The following TP63 variants were observed in gnomAD, a reference collection of about 807,000 sequenced individuals.
TP63 encodes the protein tumor protein 63.
Under a neutral mutation model 82.8 loss-of-function variants are expected in TP63, and 17 were observed. The ratio of observed to expected loss-of-function variants is 0.21; its 90% CI spans 0.14 to 0.31. The LOEUF (loss-of-function observed/expected upper bound fraction) is 0.31, where lower values mean the gene tolerates loss of function less well. Ranked by LOEUF, TP63 falls within the 10% of genes least tolerant of loss-of-function variation. The probability of loss-of-function intolerance (pLI) is 1.00; values close to 1 mark genes in which losing one functional copy is unlikely to be tolerated. For missense variants in TP63, 648 were observed against 895.3 expected, an observed-to-expected ratio of 0.72 and a Z score of 3.52; for synonymous variants, 330 against 321.7, an observed-to-expected ratio of 1.03 and a Z score of -0.28.
intron 1 of TP63, among the ~76,000 whole-genome samples, chr3:189,675,736 G>A (rs1304555126): frequency 2.0e-5 from 3 of 152,170 alleles, no homozygotes; most frequent in East Asian, 1.9e-4. Context: ...TGCTGGGTGA[G>A]CTGCATCAAA....
the TP63 span, among the ~76,000 whole-genome samples, chr3:189,609,568 G>C: frequency 4.3e-4 from 66 of 151,942 alleles, no homozygotes; most frequent in Non-Finnish European, 8.7e-4. Flanking sequence ...AGTGTCTGTT[G>C]TTTCCTTCTT....
At chr3:189,811,249 TA>T (rs1453000176) in intron 4 of TP63, among the ~76,000 whole-genome samples, 9 of 152,210 alleles carry the variant, frequency 5.9e-5, no homozygotes, top group Non-Finnish European at 2.9e-5. Context: ...GGTGAGATGA[TA>T]GTATTAATAA....
rs79842176 is a variant in TP63, at chr3:189,647,713, A to C, written c.62+16136A>C. 9.1e-3 allele frequency among the ~76,000 whole-genome samples: 1,329 copies of C among 146,842 alleles called. 166 individuals are homozygous for C. Among genetic ancestry groups the C allele is most frequent in the East Asian group, 0.069 (290 of 4,184 alleles). ...CTTGTAGGAAGACCGAAGCCAAATT[A>C]TCAAAGAACATTGTCTTAAAGAAAA... On this transcript the variant is annotated intron_variant, in intron 1 of 13. Coordinates refer to ENST00000264731, the MANE Select transcript of TP63 (RefSeq NM_003722.5).
intron 1 of TP63, among the ~76,000 whole-genome samples, chr3:189,702,635 T>C (rs890271062): frequency 1.3e-5 from 2 of 152,132 alleles, no homozygotes. Context: ...GAGGGAAAAG[T>C]TGAGGTTGAG....
At chr3:189,715,845 T>A (rs1420866540) in intron 1 of TP63, among the ~76,000 whole-genome samples, 1 of 152,218 alleles carries the variant, frequency 6.6e-6, no homozygotes, top group Non-Finnish European at 1.5e-5. Flanking sequence ...TAATTCTAAG[T>A]CTACGTGAGC....
intron 1 of TP63, among the ~76,000 whole-genome samples, chr3:189,637,721 G>A (rs1321816407): frequency 2.0e-5 from 3 of 152,116 alleles, no homozygotes; most frequent in Non-Finnish European, 4.4e-5. Context: ...GGCAGATATG[G>A]TAGGCAGAAT....
At chr3:189,668,053 T>C (rs895345430) in intron 1 of TP63, among the ~76,000 whole-genome samples, 1 of 151,874 alleles carries the variant, frequency 6.6e-6, no homozygotes, top group African/African-American at 2.4e-5. Flanking sequence ...TTTGACAATA[T>C]CCACAGGAAG....
chr3:189,758,383 A>G (rs1297051986), intron 3 of TP63, among the ~76,000 whole-genome samples: 1 of 152,238 alleles, frequency 6.6e-6, no homozygotes, highest in Non-Finnish European at 1.5e-5. Context: ...CCTGGTCTCA[A>G]GTGAGCATGC....
chr3:189,598,952 G>A, the TP63 span, among the ~76,000 whole-genome samples: 3 of 152,188 alleles, frequency 2.0e-5, no homozygotes, highest in Non-Finnish European at 4.4e-5. Flanking sequence ...GATTGGAGGC[G>A]TAACTGCGAA....
the TP63 span, among the ~76,000 whole-genome samples, chr3:189,605,121 A>G: frequency 6.6e-6 from 1 of 152,230 alleles, no homozygotes; most frequent in African/African-American, 2.4e-5. Context: ...GGAGAAGGAA[A>G]AAAGGCCTGT....
At chr3:189,598,071 A>G in the TP63 span, among the ~76,000 whole-genome samples, 1,765 of 152,334 alleles carry the variant, frequency 0.012, 37 homozygotes, top group African/African-American at 0.04. Context: ...AATTCAATAC[A>G]CTGTTGAGAA....
chr3:189,800,151 G>A (rs1726132382), intron 3 of TP63, among the ~76,000 whole-genome samples: 1 of 152,146 alleles, frequency 6.6e-6, no homozygotes, highest in Non-Finnish European at 1.5e-5. Flanking sequence ...TGACATCTGA[G>A]CTAAAGGTTG....
the TP63 span, among the ~76,000 whole-genome samples, chr3:189,620,302 A>C: frequency 6.6e-6 from 1 of 152,020 alleles, no homozygotes; most frequent in African/African-American, 2.4e-5. Flanking sequence ...AGGCGGGCAG[A>C]CCATGAGGTC....
rs1356105357 is a variant in TP63 at position 189,647,005 on chromosome 3, A to T, written c.62+15428A>T. On this transcript the variant is annotated intron_variant, in intron 1 of 13. Coordinates refer to ENST00000264731, the MANE Select transcript of TP63 (RefSeq NM_003722.5). ...TTTCAACCAGTGAAATGAAATCGTC[A>T]GGCTGGGTAACTAATGGTGACTCTT... 2.0e-5 allele frequency among the ~76,000 whole-genome samples: 3 copies of T among 147,232 alleles called. 1 individual carries two copies. The highest frequency in any genetic ancestry group is 7.6e-5 in the African/African-American group (3 of 39,346).
At chr3:189,875,611 T>TATATATATATATATACACAC (rs1553859676) in intron 10 of TP63, among the ~76,000 whole-genome samples, 1,418 of 76,954 alleles carry the variant, frequency 0.018, 73 homozygotes, top group Non-Finnish European at 0.032. Context: ...TATATATATA[T>TATATATATATATATACACAC]ATATATATAT....
intron 1 of TP63, among the ~76,000 whole-genome samples, chr3:189,681,317 C>T (rs578113550): frequency 6.6e-6 from 1 of 152,124 alleles, no homozygotes; most frequent in South Asian, 2.1e-4. Context: ...GAGCTGGAAC[C>T]TCCTATTTCA....
chr3:189,836,942 T>C (rs1269180225), intron 4 of TP63, among the ~76,000 whole-genome samples: 1 of 152,226 alleles, frequency 6.6e-6, no homozygotes, highest in Non-Finnish European at 1.5e-5. Flanking sequence ...TTAATCCTCA[T>C]AACAAACCTG....
At chr3:189,865,337 A>G (rs1175723174) in intron 5 of TP63, among the ~76,000 whole-genome samples, 1 of 152,206 alleles carries the variant, frequency 6.6e-6, no homozygotes, top group Non-Finnish European at 1.5e-5. Context: ...TTTAGACGCT[A>G]TATCCATGAA....
At chr3:189,610,652 C>T in the TP63 span, among the ~76,000 whole-genome samples, 2 of 152,194 alleles carry the variant, frequency 1.3e-5, no homozygotes, top group Non-Finnish European at 2.9e-5. Context: ...CTTCTGAGCC[C>T]TCCAAACTGT....
Sources: allele counts gnomAD v4.1 joint callset (sites outside exome capture counted in the v4.1 genomes callset), GRCh38; gene constraint gnomAD v4.1.1; transcripts MANE v1.5; gene names NCBI Gene and HGNC (gene_info 2026-07-23, HGNC 2026-07-21).